The following WWC1 variants were observed in gnomAD, a reference collection of about 807,000 sequenced individuals.
WWC1 encodes the protein protein KIBRA.
In WWC1, 55 loss-of-function variants were observed where a neutral mutation model predicts 138.4. The ratio of observed to expected loss-of-function variants is 0.40; its 90% CI spans 0.32 to 0.50. The LOEUF (loss-of-function observed/expected upper bound fraction) is 0.50. Among genes scored for constraint, WWC1 ranks in the 20% least tolerant of loss-of-function variants. The pLI is 0.72. For missense variants in WWC1, 1,226 were observed against 1,420.4 expected (o/e 0.86, Z 2.20); for synonymous variants, 524 against 564.9 (o/e 0.93, Z 1.03).
At chr5:168,361,258 C>T (rs886145699) in intron 1 of WWC1, among the ~76,000 whole-genome samples, 6 of 152,260 alleles carry the variant, frequency 3.9e-5, no homozygotes, top group Middle Eastern at 3.4e-3. Context: ...CACAGAGCTT[C>T]CATAGCCTAA....
At chr5:168,366,678 G>A (rs1191069559) in intron 1 of WWC1, among the ~76,000 whole-genome samples, 2 of 152,078 alleles carry the variant, frequency 1.3e-5, no homozygotes, top group African/African-American at 4.8e-5. Flanking sequence ...GGAACAATCA[G>A]TGGAGTTAAT....
At chr5:168,390,247 A>G (rs1778375741) in intron 3 of WWC1, among the ~76,000 whole-genome samples, 1 of 152,228 alleles carries the variant, frequency 6.6e-6, no homozygotes, top group Admixed American at 6.5e-5. Flanking sequence ...TGTACTTTTC[A>G]TATTCTTAAG....
Position 168,348,505 on chromosome 5 carries a change from G to A in WWC1, c.120-22919G>A, listed in dbSNP as rs138362464. ...CATACCTCTCAAGAAGTTCCGGGGT[G>A]GGGTGGAAGCTTGGCTGTGAGCACA... is the stretch of plus-strand genomic sequence containing the variant. On this transcript the variant is annotated intron_variant, in intron 1 of 22. Transcript: ENST00000265293. 1.4e-4 allele frequency among the ~76,000 whole-genome samples: 21 copies of A among 152,308 alleles called. 1 individual carries two copies. In the East Asian group the frequency reaches 3.9e-3, roughly 28 times the overall value.
chr5:168,338,573 G>A (rs748274406), intron 1 of WWC1, among the ~76,000 whole-genome samples: 6 of 151,788 alleles, frequency 4.0e-5, no homozygotes, highest in East Asian at 2.0e-4. Context: ...CACCACGCCC[G>A]GCTAATTTTG....
chr5:168,323,972 A>G (rs190924212), intron 1 of WWC1, among the ~76,000 whole-genome samples: 61 of 152,310 alleles, frequency 4.0e-4, no homozygotes, highest in Non-Finnish European at 8.5e-4. Flanking sequence ...CCAAAACATA[A>G]CTGAATGACA....
intron 4 of WWC1, 51 bp downstream of exon 4, chr5:168,397,851 C>G (rs1779017150): frequency 2.5e-6 from 4 of 1,603,334 alleles, no homozygotes; most frequent in Non-Finnish European, 3.4e-6. Context: ...CCACTGAGGT[C>G]TTAGGCCACA....
At chr5:168,413,265 G>A (rs1046456163) in intron 8 of WWC1, among the ~76,000 whole-genome samples, 10 of 152,306 alleles carry the variant, frequency 6.6e-5, no homozygotes, top group Non-Finnish European at 1.0e-4. Context: ...TGGCCAGGGC[G>A]TGAGAGCTGA....
intron 2 of WWC1, among the ~76,000 whole-genome samples, chr5:168,376,449 GA>G (rs1268422036): frequency 6.6e-6 from 1 of 152,186 alleles, no homozygotes; most frequent in Admixed American, 6.5e-5. Flanking sequence ...GCAAGAGAAA[GA>G]AATAGAAGAT....
At chr5:168,385,081 T>G (rs748494796) in intron 2 of WWC1, 130 bp from the exon 3 acceptor site, 2 of 839,928 alleles carry the variant, frequency 2.4e-6, no homozygotes, top group Non-Finnish European at 3.7e-6. Context: ...TAAATGAGTT[T>G]GCCCCACTTA....
At position 168,385,391 on chromosome 5, in the gene WWC1, A is replaced by G; in HGVS notation, c.410A>G (p.His137Arg). ...EYQQLHAVWEHKLGSQVSLVS... is the reference protein window; with the variant it reads ...EYQQLHAVWERKLGSQVSLVS... ...CAGCAACTGCATGCCGTCTGGGAGC[A>G]TAAGCTGGGCTCCCAGGTCAGCTGT... The change falls in exon 3 of 23, where the codon CAT becomes CGT. Residue 137 changes from histidine to arginine, a missense_variant. His to Arg is a conservative substitution (Grantham distance 29, BLOSUM62 0). Transcript: ENST00000265293. The G allele has an allele frequency of 2.5e-6, 4 of 1,613,868 alleles. No homozygotes were observed. The highest frequency in any genetic ancestry group is 1.7e-6 in the Non-Finnish European group (2 of 1,179,962).
At position 168,423,617 on chromosome 5, in the gene WWC1, C is replaced by T. The variant is rs1178192278; in HGVS notation, c.1359C>T (p.Ser453=). 1 of 1,614,186 alleles carries T rather than the reference C, an allele frequency of 6.2e-7. No homozygotes were observed. Among genetic ancestry groups the T allele is most frequent in the Non-Finnish European group, 8.5e-7 (1 of 1,180,036 alleles). ...TSSRGSLVAS[S]LDSSTSASFT... ...GCCGGGGCTCCCTGGTTGCATCCAG[C>T]CTGGACTCCTCCACTTCAGCCAGCT... The change falls in exon 11 of 23, where the codon AGC becomes AGT. Residue 453 remains serine (S), a synonymous_variant. Transcript: ENST00000265293.
Position 168,292,152 on chromosome 5 carries a change from G to C in WWC1, c.-1G>C. The C allele has an allele frequency of 1.3e-6, 2 of 1,538,910 alleles. No individual in the cohort carries two copies. The highest frequency in any genetic ancestry group is 1.8e-6 in the Non-Finnish European group (2 of 1,142,086). On this transcript the variant is annotated 5_prime_UTR_variant, in exon 1 of 23. Coordinates refer to ENST00000265293, the MANE Select transcript of WWC1 (RefSeq NM_015238.3). The surrounding 1 kb of genome is among the most constrained non-coding windows in gnomAD (Gnocchi z 4.4). ...GGGGAGCGCCGGCAGCGCTTGGGAA[G>C]ATGCCCCGGCCGGAGCTGCCCCTGC...
At chr5:168,343,227 C>T (rs1396243929) in intron 1 of WWC1, among the ~76,000 whole-genome samples, 2 of 152,114 alleles carry the variant, frequency 1.3e-5, no homozygotes, top group African/African-American at 4.8e-5. Flanking sequence ...CGGGGCCAAA[C>T]GTTCATTAAG....
intron 16 of WWC1, among the ~76,000 whole-genome samples, chr5:168,442,044 C>T (rs1754820364): frequency 6.6e-6 from 1 of 152,228 alleles, no homozygotes; most frequent in African/African-American, 2.4e-5. Flanking sequence ...ATCTGTGTTT[C>T]CTCCTTCTGT....
intron 19 of WWC1, among the ~76,000 whole-genome samples, chr5:168,456,621 ACT>A (rs1756349263): frequency 6.6e-6 from 1 of 151,998 alleles, no homozygotes; most frequent in African/African-American, 2.4e-5. Flanking sequence ...CAAGAGCAAA[ACT>A]CTATCTCAAA....
chr5:168,395,890 A>G lies in WWC1; in HGVS notation c.434-1834A>G, dbSNP rs895565296. Among the ~76,000 whole-genome samples, 9 of 152,258 alleles carry G rather than the reference A, an allele frequency of 5.9e-5. 1 individual carries two copies. The East Asian group carries it at 1.3e-3, about 23-fold the overall frequency. ...TTTCTCATCCCCCAAACTTCCAAGT[A>G]TTACATTTTAATGCCTTATGCATAA... On this transcript the variant is annotated intron_variant, in intron 3 of 22. Transcript: ENST00000265293.
chr5:168,302,908 A>G (rs1770224988), intron 1 of WWC1, among the ~76,000 whole-genome samples: 1 of 152,212 alleles, frequency 6.6e-6, no homozygotes, highest in African/African-American at 2.4e-5. Flanking sequence ...AACTTGAGGA[A>G]ACATCAGAAC....
intron 3 of WWC1, among the ~76,000 whole-genome samples, chr5:168,391,207 T>A (rs1778460158): frequency 6.6e-6 from 1 of 152,136 alleles, no homozygotes; most frequent in African/African-American, 2.4e-5. Flanking sequence ...ATTTCCCATT[T>A]GGAAAATAAA....
chr5:168,295,041 G>T (rs547836492), intron 1 of WWC1, among the ~76,000 whole-genome samples: 5 of 152,104 alleles, frequency 3.3e-5, no homozygotes, highest in African/African-American at 1.2e-4. Flanking sequence ...CAACTCTGGG[G>T]GTCACTATTG....
Sources: allele counts gnomAD v4.1 joint callset (sites outside exome capture counted in the v4.1 genomes callset), GRCh38; gene constraint gnomAD v4.1.1; non-coding constraint Gnocchi (gnomAD v3.1); transcripts MANE v1.5; gene names NCBI Gene and HGNC (gene_info 2026-07-23, HGNC 2026-07-21).